Variants in SYN3 observed in about 807,000 individuals in gnomAD.
SYN3 encodes synapsin-3.
SYN3 carries 35 observed loss-of-function variants against 65.8 expected under a neutral mutation model. That is an observed-to-expected ratio of 0.53 (90% CI 0.41 to 0.70). SYN3 has a LOEUF of 0.70. SYN3 is among the 30% of genes least tolerant of loss of function. The pLI, the probability that SYN3 is intolerant of heterozygous loss-of-function variation, is 0.00. For synonymous variants in SYN3, 270 were observed against 292.9 expected, an observed-to-expected ratio of 0.92 and a Z score of 0.80; for missense variants, 680 against 749.0, an observed-to-expected ratio of 0.91 and a Z score of 1.08.
At chr22:32,889,418 G>GAAAAAA (rs137511) in intron 4 of SYN3, among the ~76,000 whole-genome samples, 1 of 146,400 alleles carries the variant, frequency 6.8e-6, no homozygotes, top group African/African-American at 2.5e-5. Flanking sequence ...CCTCCACAAG[G>GAAAAAA]AAAAAAAAAA....
At chr22:32,559,694 G>A (rs1178020980) in intron 7 of SYN3, among the ~76,000 whole-genome samples, 1 of 152,122 alleles carries the variant, frequency 6.6e-6, no homozygotes, top group African/African-American at 2.4e-5. Context: ...CGGGCGTGGC[G>A]GCGGGTGGCG....
At chr22:32,587,697 G>A (rs1370100920) in intron 7 of SYN3, among the ~76,000 whole-genome samples, 1 of 152,216 alleles carries the variant, frequency 6.6e-6, no homozygotes, top group African/African-American at 2.4e-5. Flanking sequence ...GTCACTTGGA[G>A]CTGATGACGG....
chr22:32,603,829 C>T lies in SYN3; in HGVS notation c.712-7093G>A, dbSNP rs532967654. ...CATCAGCCTCTCACAGGCTCCCTGT[C>T]CCGCTCACATGCCCTGGGCACTCCA... On this transcript the variant is annotated intron_variant, in intron 6 of 13. Transcript: ENST00000358763. 2.3e-4 allele frequency among the ~76,000 whole-genome samples: 35 copies of T among 152,348 alleles called. No homozygotes were observed. The South Asian group carries it at 6.0e-3, about 26-fold the overall frequency.
chr22:32,764,861 T>C (rs1471081041), intron 6 of SYN3, among the ~76,000 whole-genome samples: 1 of 152,154 alleles, frequency 6.6e-6, no homozygotes, highest in Non-Finnish European at 1.5e-5. Context: ...CTCATTCTGA[T>C]TCATGGACAT....
At chr22:32,732,601 C>G (rs1361529847) in intron 6 of SYN3, among the ~76,000 whole-genome samples, 3 of 152,200 alleles carry the variant, frequency 2.0e-5, no homozygotes, top group Non-Finnish European at 4.4e-5. Context: ...GTCATTCAAT[C>G]TCCCTGGACA....
At chr22:32,781,655 AGG>A (rs2046067683) in intron 6 of SYN3, among the ~76,000 whole-genome samples, 2 of 151,198 alleles carry the variant, frequency 1.3e-5, no homozygotes, top group African/African-American at 4.9e-5. Context: ...GGTGTTACTT[AGG>A]TGTTTGCTAA....
At chr22:32,566,148 A>G (rs1277052741) in intron 7 of SYN3, among the ~76,000 whole-genome samples, 1 of 152,036 alleles carries the variant, frequency 6.6e-6, no homozygotes, top group Non-Finnish European at 1.5e-5. Context: ...TGGCCAGGGT[A>G]TTTTGTTTAA....
At chr22:32,831,546 C>T (rs1336614797) in intron 6 of SYN3, among the ~76,000 whole-genome samples, 2 of 152,168 alleles carry the variant, frequency 1.3e-5, no homozygotes. Context: ...CATGGAGATG[C>T]TATCCTGGAA....
intron 7 of SYN3, among the ~76,000 whole-genome samples, chr22:32,569,445 ATCTTC>A (rs1458364890): frequency 1.4e-5 from 2 of 139,574 alleles, no homozygotes; most frequent in African/African-American, 2.8e-5. Context: ...CTATCTATCT[ATCTTC>A]TCTATCTATC....
intron 1 of SYN3, among the ~76,000 whole-genome samples, chr22:33,039,471 G>GTTCAAGCGATTCTCCTGCA (rs373974503): frequency 6.6e-6 from 1 of 151,348 alleles, no homozygotes; most frequent in East Asian, 1.9e-4. Flanking sequence ...CGCCTCCTGG[G>GTTCAAGCGATTCTCCTGCA]TTCAAGCGAT....
chr22:32,658,171 G>A (rs2060168238), intron 6 of SYN3, among the ~76,000 whole-genome samples: 1 of 152,224 alleles, frequency 6.6e-6, no homozygotes. Context: ...GAGGCAGAAG[G>A]AGAATAAAGG....
At chr22:32,704,143 G>A (rs1163405536) in intron 6 of SYN3, among the ~76,000 whole-genome samples, 3 of 152,110 alleles carry the variant, frequency 2.0e-5, no homozygotes, top group Admixed American at 1.3e-4. Flanking sequence ...AGGGGTTTAT[G>A]TACAGATTAT....
chr22:32,613,811 T>C (rs2059479075), intron 6 of SYN3, among the ~76,000 whole-genome samples: 1 of 152,180 alleles, frequency 6.6e-6, no homozygotes, highest in Admixed American at 6.5e-5. Context: ...GCTCTCTTGG[T>C]GTCTTTGTTG....
At chr22:32,864,070 T>A (rs1429661973) in intron 6 of SYN3, among the ~76,000 whole-genome samples, 1 of 152,144 alleles carries the variant, frequency 6.6e-6, no homozygotes, top group Non-Finnish European at 1.5e-5. Flanking sequence ...CATCAGTATC[T>A]CCAAACAGGA....
At chr22:32,845,880 G>A (rs918948039) in intron 6 of SYN3, among the ~76,000 whole-genome samples, 3 of 152,144 alleles carry the variant, frequency 2.0e-5, no homozygotes, top group Admixed American at 6.5e-5. Flanking sequence ...CGAATGCCTC[G>A]GGAGAACCCT....
intron 6 of SYN3, among the ~76,000 whole-genome samples, chr22:32,853,305 C>A (rs536792088): frequency 6.6e-6 from 1 of 152,294 alleles, no homozygotes; most frequent in South Asian, 2.1e-4. Context: ...AAGATCATGG[C>A]CGTGATAGCT....
intron 4 of SYN3, among the ~76,000 whole-genome samples, chr22:32,877,150 T>C (rs1420728488): frequency 1.3e-5 from 2 of 152,170 alleles, no homozygotes; most frequent in Non-Finnish European, 2.9e-5. Flanking sequence ...TCCACCCCAA[T>C]ACAATTGCTC....
At chr22:32,685,616 G>A (rs1396910929) in intron 6 of SYN3, among the ~76,000 whole-genome samples, 1 of 152,224 alleles carries the variant, frequency 6.6e-6, no homozygotes, top group Non-Finnish European at 1.5e-5. Context: ...GGAAGTAACA[G>A]GCTGTATCAT....
At chr22:32,636,419 G>A (rs112669076) in intron 6 of SYN3, among the ~76,000 whole-genome samples, 45 of 109,972 alleles carry the variant, frequency 4.1e-4, no homozygotes, top group Non-Finnish European at 7.7e-4. Context: ...AAAAAAAAAA[G>A]AAAAGAAAAG....
Sources: allele counts gnomAD v4.1 joint callset (sites outside exome capture counted in the v4.1 genomes callset), GRCh38; gene constraint gnomAD v4.1.1; transcripts MANE v1.5; gene names NCBI Gene and HGNC (gene_info 2026-07-23, HGNC 2026-07-21).